The following PKD1L1 variants were observed in gnomAD, a reference collection of about 807,000 sequenced individuals.
PKD1L1 encodes polycystin-1-like protein 1.
PKD1L1 carries 236 observed loss-of-function variants against 323.4 expected under a neutral mutation model. The ratio of observed to expected loss-of-function variants is 0.73; its 90% CI spans 0.66 to 0.81. The LOEUF (loss-of-function observed/expected upper bound fraction) is 0.81, where lower values mean the gene tolerates loss of function less well. Among genes scored for constraint, PKD1L1 ranks in the 40% least tolerant of loss-of-function variants. PKD1L1 has a pLI of 0.00. For synonymous variants in PKD1L1, 1,344 were observed against 1,335.0 expected, an observed-to-expected ratio of 1.01 and a Z score of -0.15; for missense variants, 3,320 against 3,508.0, an observed-to-expected ratio of 0.95 and a Z score of 1.35.
the PKD1L1 span, among the ~76,000 whole-genome samples, chr7:47,958,700 A>G: frequency 1.3e-5 from 2 of 152,244 alleles, no homozygotes; most frequent in African/African-American, 4.8e-5. Flanking sequence ...TACATCCAAC[A>G]AAGGTTTAAT....
intron 54 of PKD1L1, among the ~76,000 whole-genome samples, chr7:47,797,155 C>T (rs1284995254): frequency 3.9e-5 from 6 of 152,328 alleles, no homozygotes; most frequent in East Asian, 1.9e-4. Flanking sequence ...TGACCCAGAG[C>T]CTCCCCTCCA....
chr7:47,936,964 A>C lies in PKD1L1; in HGVS notation c.286-6T>G. 6.3e-7 allele frequency: 1 copy of C among 1,591,932 alleles called. No homozygotes were observed. The highest frequency in any genetic ancestry group is 8.6e-7 in the Non-Finnish European group (1 of 1,166,402). The stretch of plus-strand genomic sequence containing the variant: ...CTAGTTGTTTTCCAAATGTTCTGTA[A>C]GAAAAAATAATAAAATAATGTGAGA... On this transcript the variant is annotated splice_region_variant and splice_polypyrimidine_tract_variant and intron_variant, in intron 3 of 56. Transcript: ENST00000289672.
At chr7:47,801,534 C>CTG (rs1784662414) in intron 53 of PKD1L1, among the ~76,000 whole-genome samples, 1 of 152,152 alleles carries the variant, frequency 6.6e-6, no homozygotes, top group African/African-American at 2.4e-5. Context: ...CCACATGGGG[C>CTG]TGTGTGTGTA....
At chr7:47,910,493 C>A (rs1201430490) in intron 8 of PKD1L1, among the ~76,000 whole-genome samples, 2 of 151,898 alleles carry the variant, frequency 1.3e-5, no homozygotes, top group East Asian at 1.9e-4. Flanking sequence ...CGCCACCATG[C>A]CTGGCTAATT....
At chr7:47,851,367 A>G (rs968807860) in intron 31 of PKD1L1, among the ~76,000 whole-genome samples, 1 of 152,234 alleles carries the variant, frequency 6.6e-6, no homozygotes, top group African/African-American at 2.4e-5. Flanking sequence ...TGTGCATCAA[A>G]AAGTAAAATA....
intron 21 of PKD1L1, among the ~76,000 whole-genome samples, chr7:47,880,249 T>TAGATATATATATAG (rs1424463564): frequency 3.9e-5 from 4 of 101,670 alleles, no homozygotes; most frequent in African/African-American, 1.9e-4. Context: ...ATAAATAAGA[T>TAGATATATATATAG]ATATATATAT....
intron 19 of PKD1L1, among the ~76,000 whole-genome samples, chr7:47,882,298 C>CT (rs754220199): frequency 9.2e-5 from 14 of 151,782 alleles, no homozygotes; most frequent in Non-Finnish European, 2.1e-4. Flanking sequence ...CCCTCCCTCC[C>CT]TCCCTCCCTT....
intron 37 of PKD1L1, among the ~76,000 whole-genome samples, chr7:47,836,091 G>GAAAT (rs1785451225): frequency 6.6e-6 from 1 of 152,216 alleles, no homozygotes; most frequent in South Asian, 2.1e-4. Context: ...CAGGTGGACG[G>GAAAT]AGCTGTTCCC....
chr7:47,893,571 C>T (rs1481495855), intron 15 of PKD1L1, among the ~76,000 whole-genome samples: 1 of 152,126 alleles, frequency 6.6e-6, no homozygotes, highest in Non-Finnish European at 1.5e-5. Flanking sequence ...ATGAGCAACC[C>T]GTGGAAACCA....
chr7:47,876,200 A>G lies in PKD1L1; in HGVS notation c.3681T>C (p.Phe1227=), dbSNP rs1242114235. Residue 1227 remains phenylalanine (F), a synonymous_variant, in exon 23 of 57, where the codon TTT becomes TTC. Transcript: ENST00000289672. ...TGGAGGTGTTTCCTATCTGGTAACT[A>G]AATTCATAATGGAAGTCCTATGATC... ...MSGKPDFHYE[F]SYQIGNTSKH... is the part of the protein sequence containing the mutation. 8.1e-6 allele frequency: 13 copies of G among 1,614,028 alleles called. No homozygotes were observed. Among genetic ancestry groups the G allele is most frequent in the South Asian group, 1.1e-5 (1 of 91,038 alleles).
chr7:47,855,239 G>A lies in PKD1L1; in HGVS notation c.4617C>T (p.Leu1539=), dbSNP rs1562960309. 1 of 1,613,990 alleles carries A rather than the reference G, an allele frequency of 6.2e-7. No homozygotes were observed. Among genetic ancestry groups the A allele is most frequent in the Admixed American group, 1.7e-5 (1 of 59,996 alleles). Residue 1539 remains leucine (L), a synonymous_variant, in exon 29 of 57, where the codon CTC becomes CTT. Coordinates refer to ENST00000289672, the MANE Select transcript of PKD1L1 (RefSeq NM_138295.5). ...TGGGTCTTCTGCTGGAGCAGGTATAGAGGTTGAGGCCCACAACTCCACCAA... is the reference window on the plus strand; with the variant it reads ...TGGGTCTTCTGCTGGAGCAGGTATAAAGGTTGAGGCCCACAACTCCACCAA... ...GQIGGVVGLN[L]YTCSSRRPIN... is the part of the protein sequence containing the mutation.
At chr7:47,786,610 G>A (rs1313329542) in intron 56 of PKD1L1, among the ~76,000 whole-genome samples, 1 of 152,218 alleles carries the variant, frequency 6.6e-6, no homozygotes, top group African/African-American at 2.4e-5. Context: ...GCTCCCCTCT[G>A]GATGTTCCTG....
chr7:47,915,513 A>T lies in PKD1L1; in HGVS notation c.1147T>A (p.Leu383Met). The change falls in exon 8 of 57, where the codon TTG becomes ATG. Residue 383 changes from leucine (L) to methionine (M), a missense_variant. Leu to Met is a conservative substitution (Grantham distance 15). Transcript: ENST00000289672. ...ETQNTTLNVYLCQSENSCLED... is the reference protein window; with the variant it reads ...ETQNTTLNVYMCQSENSCLED... ...AGGCAGCTGTTTTCACTTTGGCACAAGTAAACATTTAAAGTTGTATTTTGT... is the reference window on the plus strand; with the variant it reads ...AGGCAGCTGTTTTCACTTTGGCACATGTAAACATTTAAAGTTGTATTTTGT... 6.7e-7 allele frequency: 1 copy of T among 1,483,030 alleles called. No homozygotes were observed. The highest frequency in any genetic ancestry group is 1.1e-5 in the South Asian group (1 of 88,378). The allele number at this position is 1,483,030 out of a possible 1,614,324, so 91.9% of individuals were successfully genotyped here.
the PKD1L1 span, among the ~76,000 whole-genome samples, chr7:47,960,398 T>TAA: frequency 0.35 from 36,082 of 104,200 alleles, 7,652 homozygotes; most frequent in Non-Finnish European, 0.43. Context: ...AAAAAAACTG[T>TAA]AAAAAAGAAA....
chr7:47,844,939 G>A, intron 33 of PKD1L1, 56 bp downstream of exon 33: 1 of 1,461,982 alleles, frequency 6.8e-7, no homozygotes, highest in Non-Finnish European at 9.5e-7. Flanking sequence ...GGCATCCTGA[G>A]TGAACAGTAA....
At chr7:47,890,910 T>A in intron 15 of PKD1L1, 147 bp from the exon 16 acceptor site, 1 of 736,690 alleles carries the variant, frequency 1.4e-6, no homozygotes, top group Non-Finnish European at 2.3e-6. Flanking sequence ...TTTTCTCCTG[T>A]AACTGAAGTG....
At chr7:47,795,716 A>G (rs1784509598) in intron 55 of PKD1L1, among the ~76,000 whole-genome samples, 1 of 152,208 alleles carries the variant, frequency 6.6e-6, no homozygotes, top group South Asian at 2.1e-4. Context: ...CCTGGGGAAG[A>G]CCATAAACTC....
At chr7:47,847,144 A>G in intron 31 of PKD1L1, 73 bp from the exon 32 acceptor site, 1 of 1,260,428 alleles carries the variant, frequency 7.9e-7, no homozygotes, top group East Asian at 2.7e-5. Context: ...TCAAACGCAG[A>G]CAGAGTAGGC....
chr7:47,863,837 C>T (rs1165243946), intron 26 of PKD1L1, among the ~76,000 whole-genome samples: 1 of 152,050 alleles, frequency 6.6e-6, no homozygotes, highest in Non-Finnish European at 1.5e-5. Context: ...GGCTGAGCCA[C>T]ACAGTGAGAC....
Sources: allele counts gnomAD v4.1 joint callset (sites outside exome capture counted in the v4.1 genomes callset), GRCh38; gene constraint gnomAD v4.1.1; transcripts MANE v1.5; gene names NCBI Gene and HGNC (gene_info 2026-07-23, HGNC 2026-07-21).